PGM1: variants seen among roughly 807,000 people sequenced by gnomAD.
The protein encoded by PGM1 is phosphoglucomutase-1.
PGM1 carries 52 observed loss-of-function variants against 55.6 expected under a neutral mutation model. The ratio of observed to expected loss-of-function variants is 0.94; its 90% confidence interval spans 0.75 to 1.18. The LOEUF (loss-of-function observed/expected upper bound fraction) is 1.18, where lower values mean the gene tolerates loss of function less well. Ranked by LOEUF, PGM1 falls within the 50% of genes most tolerant of loss-of-function variation. The pLI, the probability that PGM1 is intolerant of heterozygous loss-of-function variation, is 0.00. For missense variants in PGM1, 724 were observed against 729.3 expected (o/e 0.99, Z 0.08); for synonymous variants, 287 against 271.7 (o/e 1.06, Z -0.55).
intron 2 of PGM1, 95 bp downstream of exon 2, chr1:63,629,682 C>A: frequency 7.9e-7 from 1 of 1,269,406 alleles, no homozygotes; most frequent in Non-Finnish European, 1.1e-6. Context: ...TGGTTCTGAT[C>A]CTTTGCAGGG....
At chr1:63,641,549 A>C (rs2100993085) in intron 7 of PGM1, among the ~76,000 whole-genome samples, 1 of 152,284 alleles carries the variant, frequency 6.6e-6, no homozygotes, top group South Asian at 2.1e-4. Context: ...TGAATTCTAT[A>C]GCTTAATTGA....
intron 7 of PGM1, among the ~76,000 whole-genome samples, chr1:63,644,638 A>G (rs1475264622): frequency 1.3e-5 from 2 of 152,244 alleles, no homozygotes. Flanking sequence ...TCTAGTAGTT[A>G]CATTACACCT....
chr1:63,629,633 G>T, intron 2 of PGM1, 46 bp downstream of exon 2: 3 of 1,573,928 alleles, frequency 1.9e-6, no homozygotes, highest in South Asian at 2.2e-5. Flanking sequence ...ACATTCAGTA[G>T]GACAAATCAA....
Position 63,648,513 on chromosome 1 carries a change from C to T in PGM1, c.1145-4C>T, listed in dbSNP as rs1570512575. The T allele has an allele frequency of 1.9e-6, 3 of 1,614,074 alleles. No homozygotes were observed. Among genetic ancestry groups the T allele is most frequent in the East Asian group, 4.5e-5 (2 of 44,840 alleles). On this transcript the variant is annotated splice_polypyrimidine_tract_variant and splice_region_variant and intron_variant, in intron 7 of 10. Transcript: ENST00000371084. ...CTTACAGCAGCTTGCTGTCCCCCCTCCAGGTTCTGACCACATCCGTGAGAA... is the reference window on the plus strand; with the variant it reads ...CTTACAGCAGCTTGCTGTCCCCCCTTCAGGTTCTGACCACATCCGTGAGAA...
intron 7 of PGM1, 70 bp downstream of exon 7, chr1:63,638,870 A>G: frequency 9.3e-7 from 1 of 1,074,284 alleles, no homozygotes; most frequent in Non-Finnish European, 1.5e-6. Flanking sequence ...TTAGACTGCT[A>G]AGGTAGCACT....
intron 1 of PGM1, among the ~76,000 whole-genome samples, chr1:63,602,476 C>T (rs1460350372): frequency 6.6e-6 from 1 of 152,194 alleles, no homozygotes; most frequent in African/African-American, 2.4e-5. Flanking sequence ...TTCTTGGCTG[C>T]TTTGAGTGTG....
At chr1:63,593,861 C>G (rs924693900) in intron 1 of PGM1, 127 bp downstream of exon 1, 2 of 1,295,994 alleles carry the variant, frequency 1.5e-6, no homozygotes, top group African/African-American at 3.1e-5. Flanking sequence ...ACCTCCCGCT[C>G]CTCCCTCTCC....
intron 1 of PGM1, among the ~76,000 whole-genome samples, chr1:63,608,401 G>A (rs1200229468): frequency 3.3e-5 from 5 of 152,314 alleles, no homozygotes; most frequent in Non-Finnish European, 7.3e-5. Flanking sequence ...CAAATACCCG[G>A]CCCTGACCGA....
intron 1 of PGM1, among the ~76,000 whole-genome samples, chr1:63,598,588 A>G (rs116399137): frequency 0.035 from 5,352 of 152,298 alleles, 334 homozygotes; most frequent in African/African-American, 0.12. Flanking sequence ...AGTAGTAGTA[A>G]TAATACTGTG....
intron 1 of PGM1, among the ~76,000 whole-genome samples, chr1:63,597,207 C>T (rs75391393): frequency 0.012 from 1,752 of 151,986 alleles, 27 homozygotes; most frequent in African/African-American, 0.04. Flanking sequence ...GGGTGGTAGC[C>T]GAATTGAGTC....
intron 1 of PGM1, among the ~76,000 whole-genome samples, chr1:63,616,813 A>G (rs1228257372): frequency 6.6e-6 from 1 of 152,196 alleles, no homozygotes; most frequent in Non-Finnish European, 1.5e-5. Context: ...CTGACCTTGT[A>G]CCTTCTTCCA....
At chr1:63,637,759 G>T (rs886740062) in intron 6 of PGM1, among the ~76,000 whole-genome samples, 1 of 152,160 alleles carries the variant, frequency 6.6e-6, no homozygotes, top group African/African-American at 2.4e-5. Context: ...CAAGAACAGT[G>T]TAATTCCAAT....
At chr1:63,604,887 CTATA>C (rs1648368127) in intron 1 of PGM1, among the ~76,000 whole-genome samples, 2 of 144,100 alleles carry the variant, frequency 1.4e-5, no homozygotes, top group Non-Finnish European at 3.0e-5. Context: ...CTATGTATAA[CTATA>C]TATATAGGGA....
At position 63,616,494 on chromosome 1, in the gene PGM1, T is replaced by G. The variant is rs570321107; in HGVS notation, c.247-12931T>G. On this transcript the variant is annotated intron_variant, in intron 1 of 10. Coordinates refer to ENST00000371084, the MANE Select transcript of PGM1 (RefSeq NM_002633.3). ...TGTAGGCTCCCAGATGAGTACTTTT[T>G]ACTCCATTTTAAAATGATTTGTTGG... Among the ~76,000 whole-genome samples the G allele has an allele frequency of 5.3e-5, 8 of 152,362 alleles. No individual in the cohort carries two copies. The East Asian group carries it at 1.5e-3, about 29-fold the overall frequency.
intron 1 of PGM1, among the ~76,000 whole-genome samples, chr1:63,613,727 G>A (rs1018594490): frequency 2.7e-5 from 4 of 148,688 alleles, no homozygotes; most frequent in African/African-American, 7.5e-5. Context: ...TTTTTTGGAG[G>A]GGGCGGGAGT....
chr1:63,647,089 A>G (rs992446410), intron 7 of PGM1, among the ~76,000 whole-genome samples: 1 of 151,546 alleles, frequency 6.6e-6, no homozygotes, highest in Non-Finnish European at 1.5e-5. Flanking sequence ...CTAAAACTAC[A>G]AAAATTAGCT....
intron 1 of PGM1, among the ~76,000 whole-genome samples, chr1:63,614,322 T>C (rs1038895035): frequency 1.3e-5 from 2 of 152,200 alleles, no homozygotes; most frequent in Non-Finnish European, 2.9e-5. Context: ...TTAATAGTTA[T>C]GTAGCGCTAC....
At chr1:63,655,575 A>C (rs1649942173) in intron 10 of PGM1, among the ~76,000 whole-genome samples, 1 of 152,174 alleles carries the variant, frequency 6.6e-6, no homozygotes, top group Admixed American at 6.5e-5. Context: ...ACCCCCAAAA[A>C]TGGAGGAGCC....
rs1649513582 is a variant in PGM1 at position 63,641,415 on chromosome 1, ATC to A, written c.1144+2617_1144+2618del. Among the ~76,000 whole-genome samples the A allele has an allele frequency of 1.2e-4, 19 of 152,278 alleles. No homozygotes were observed. The South Asian group carries it at 3.9e-3, about 32-fold the overall frequency. ...CTGGGCTTATTTAACTGAACTCCTGATCTTCTTATTTATAGAGGAGTTAATTT... is the reference window on the plus strand; with the variant it reads ...CTGGGCTTATTTAACTGAACTCCTGATTCTTATTTATAGAGGAGTTAATTT... On this transcript the variant is annotated intron_variant, in intron 7 of 10. Transcript: ENST00000371084.
Sources: allele counts gnomAD v4.1 joint callset (sites outside exome capture counted in the v4.1 genomes callset), GRCh38; gene constraint gnomAD v4.1.1; transcripts MANE v1.5; gene names NCBI Gene and HGNC (gene_info 2026-07-23, HGNC 2026-07-21).